Variants in FBXO9 observed in about 807,000 individuals in gnomAD.
FBXO9 encodes the protein F-box only protein 9.
Under a neutral mutation model 63.7 loss-of-function variants are expected in FBXO9, and 43 were observed. The ratio of observed to expected loss-of-function variants is 0.67; its 90% CI spans 0.53 to 0.87. The LOEUF (loss-of-function observed/expected upper bound fraction) is 0.87. FBXO9 is among the 40% of genes least tolerant of loss of function. The probability of loss-of-function intolerance (pLI) is 0.00; values close to 1 mark genes in which losing one functional copy is unlikely to be tolerated. For synonymous variants in FBXO9, 156 were observed against 171.7 expected, an observed-to-expected ratio of 0.91 and a Z score of 0.72; for missense variants, 442 against 533.2, an observed-to-expected ratio of 0.83 and a Z score of 1.68.
chr6:53,095,434 G>C, intron 11 of FBXO9, 79 bp from the exon 12 acceptor site: 2 of 1,291,450 alleles, frequency 1.5e-6, no homozygotes, highest in Non-Finnish European at 2.1e-6. Context: ...TACTTTTAGT[G>C]TCACTGTTGC....
In FBXO9 at chr6:53,073,511, A is replaced by C; in HGVS notation, c.121A>C (p.Met41Leu). ...AQLQMFRAQW[M>L]FELAPGVSSS... is the part of the protein sequence containing the mutation. ...ACTCCAGATGTTCCGAGCTCAGTGGATGTTTGAACTTGCTCCAGGTGTAAG... is the reference window on the plus strand; with the variant it reads ...ACTCCAGATGTTCCGAGCTCAGTGGCTGTTTGAACTTGCTCCAGGTGTAAG... Residue 41 changes from methionine to leucine, a missense_variant, in exon 3 of 13, where the codon ATG becomes CTG. By Grantham distance (15) the Met-to-Leu change is conservative. Transcript: ENST00000323557. 1 of 1,613,830 alleles carries C rather than the reference A, an allele frequency of 6.2e-7. No homozygotes were observed. Among genetic ancestry groups the C allele is most frequent in the Non-Finnish European group, 8.5e-7 (1 of 1,179,802 alleles).
chr6:53,092,312 C>T, intron 7 of FBXO9, 117 bp from the exon 8 acceptor site: 1 of 712,596 alleles, frequency 1.4e-6, no homozygotes, highest in Non-Finnish European at 2.4e-6. Flanking sequence ...CTCCTCAGAA[C>T]AGTGCCTCCC....
intron 5 of FBXO9, among the ~76,000 whole-genome samples, chr6:53,079,163 C>T (rs753857491): frequency 2.6e-5 from 4 of 152,006 alleles, no homozygotes; most frequent in Non-Finnish European, 1.5e-5. Context: ...GCAGTAGTTA[C>T]TGAAAGGAGT....
intron 1 of FBXO9, among the ~76,000 whole-genome samples, chr6:53,067,310 C>T (rs1347072825): frequency 1.3e-5 from 2 of 152,118 alleles, no homozygotes; most frequent in Non-Finnish European, 2.9e-5. Flanking sequence ...ATGTGTTTGA[C>T]CTTATGGTTA....
chr6:53,076,586 T>TA (rs781241930), intron 4 of FBXO9, 43 bp downstream of exon 4: 2 of 1,362,276 alleles, frequency 1.5e-6, no homozygotes, highest in Admixed American at 6.1e-5. Flanking sequence ...CATTTCTGAA[T>TA]AATGACTCTG....
chr6:53,083,581 G>A lies in FBXO9; in HGVS notation c.653+963G>A, dbSNP rs1041218630. Among the ~76,000 whole-genome samples the A allele has an allele frequency of 3.3e-5, 5 of 152,308 alleles. No individual in the cohort carries two copies. The South Asian group carries it at 1.0e-3, about 32-fold the overall frequency. ...TACAAAGATCAGTAACAAGGGGGAC[G>A]CCAGTCTGAGATTGGACAGACAGTT... On this transcript the variant is annotated intron_variant, in intron 7 of 12. Transcript: ENST00000323557.
chr6:53,065,958 G>A lies in FBXO9; in HGVS notation c.3+166G>A, dbSNP rs575161270. 731 of 1,157,634 alleles carry A rather than the reference G, an allele frequency of 6.3e-4. 1 individual carries two copies. The African/African-American group carries it at 0.01, about 16-fold the overall frequency. The allele number at this position is 1,157,634 out of a possible 1,614,324, so 71.7% of individuals were successfully genotyped here. On this transcript the variant is annotated intron_variant, in intron 1 of 12. Coordinates refer to ENST00000323557, the MANE Select transcript of FBXO9 (RefSeq NM_033480.3). ...GGCCTGAGAAGGAGTGCGTCGGGGGGCGGGGGGTGCCAACCCTGGCTTCTC... is the reference window on the plus strand; with the variant it reads ...GGCCTGAGAAGGAGTGCGTCGGGGGACGGGGGGTGCCAACCCTGGCTTCTC...
Position 53,095,625 on chromosome 6 carries a change from A to G in FBXO9, c.1166A>G (p.Lys389Arg), listed in dbSNP as rs991670168. 1.2e-6 allele frequency: 2 copies of G among 1,613,582 alleles called. No homozygotes were observed. The highest frequency in any genetic ancestry group is 1.3e-5 in the African/African-American group (1 of 75,038). Residue 389 changes from lysine (K) to arginine (R), a missense_variant, in exon 12 of 13, where the codon AAA becomes AGA. This residue lies in a region of FBXO9 where 262 missense variants were observed against 362.1 expected (regional missense o/e 0.72). Transcript: ENST00000323557. ...LCSSGHQRFN[K>R]LIWIHHSCHI... ...TCCAGTGGTCACCAGAGGTTCAACA[A>G]ACTCATCTGGATACATCATTCTTGT... is the stretch of plus-strand genomic sequence containing the variant.
chr6:53,074,524 T>C (rs560182588), intron 3 of FBXO9, among the ~76,000 whole-genome samples: 53 of 152,352 alleles, frequency 3.5e-4, no homozygotes, highest in Non-Finnish European at 6.0e-4. Context: ...TGTGTATGTG[T>C]ATAAATAGTT....
At chr6:53,083,051 T>C (rs971920106) in intron 7 of FBXO9, among the ~76,000 whole-genome samples, 4 of 152,208 alleles carry the variant, frequency 2.6e-5, no homozygotes, top group African/African-American at 4.8e-5. Context: ...GAAAGGACTC[T>C]ATTCAATAAA....
chr6:53,093,426 G>A (rs910972452), intron 9 of FBXO9, 40 bp from the exon 10 acceptor site: 8 of 1,378,972 alleles, frequency 5.8e-6, no homozygotes, highest in Non-Finnish European at 8.3e-6. Flanking sequence ...TATACTTTGT[G>A]TGGGGGGTGT....
intron 4 of FBXO9, among the ~76,000 whole-genome samples, chr6:53,078,493 A>AT (rs1769196310): frequency 6.6e-6 from 1 of 152,186 alleles, no homozygotes; most frequent in African/African-American, 2.4e-5. Flanking sequence ...GGCTATAGCA[A>AT]TTGCATCTTC....
chr6:53,066,209 G>T, intron 1 of FBXO9: 1 of 952,744 alleles, frequency 1.0e-6, no homozygotes, highest in Non-Finnish European at 1.3e-6. Context: ...GACACTTGTT[G>T]ATTGCTCTTC....
chr6:53,074,145 T>C (rs758335771), intron 3 of FBXO9, among the ~76,000 whole-genome samples: 1 of 152,178 alleles, frequency 6.6e-6, no homozygotes, highest in African/African-American at 2.4e-5. Context: ...ACACTGAAAA[T>C]ATTTTGAATG....
chr6:53,071,004 A>C (rs1322308779), intron 1 of FBXO9, 53 bp from the exon 2 acceptor site: 2 of 1,550,954 alleles, frequency 1.3e-6, no homozygotes, highest in Non-Finnish European at 1.7e-6. Context: ...TAGATTGCAG[A>C]GGGCAACTGG....
intron 4 of FBXO9, 49 bp downstream of exon 4, chr6:53,076,592 C>CAGAGTCATTAT: frequency 7.6e-7 from 1 of 1,310,168 alleles, no homozygotes; most frequent in Non-Finnish European, 1.0e-6. Context: ...TGAATAATGA[C>CAGAGTCATTAT]TCTGTTATTA....
rs966395483 is a variant in FBXO9, at chr6:53,097,935, T to C, written c.*105T>C. The C allele has an allele frequency of 1.9e-4, 4 of 20,640 alleles. No individual in the cohort carries two copies. The highest frequency in any genetic ancestry group is 4.9e-4 in the African/African-American group (4 of 8,188). The allele number at this position is 20,640 out of a possible 1,614,324, so 1.3% of individuals were successfully genotyped here. A position where few individuals can be genotyped will look rare whatever the true frequency, so the allele number is the denominator to read the frequency against. ...GTGTGTGCGTGTGTGTGTATATATA[T>C]ATATATATATATATATATATATATA... On this transcript the variant is annotated 3_prime_UTR_variant, in exon 13 of 13. Coordinates refer to ENST00000323557, the MANE Select transcript of FBXO9 (RefSeq NM_033480.3).
Position 53,098,087 on chromosome 6 carries a change from G to T in FBXO9, c.*257G>T. ...CCTGGGGTGTTTTGAAATTAAGTTG[G>T]AATTAAGTTGCTTAAGCATATTTAT... On this transcript the variant is annotated 3_prime_UTR_variant, in exon 13 of 13. Transcript: ENST00000323557. The T allele has an allele frequency of 3.9e-6, 1 of 256,810 alleles. No individual in the cohort carries two copies. The highest frequency in any genetic ancestry group is 3.7e-5 in the South Asian group (1 of 26,706). The allele number at this position is 256,810 out of a possible 1,614,324, so 15.9% of individuals were successfully genotyped here.
chr6:53,090,805 T>G (rs896216799), intron 7 of FBXO9: 1 of 152,122 alleles, frequency 6.6e-6, no homozygotes, highest in Non-Finnish European at 1.5e-5. Context: ...CTCAGCCTCC[T>G]GAGTAACTGG....
Sources: allele counts gnomAD v4.1 joint callset (sites outside exome capture counted in the v4.1 genomes callset), GRCh38; gene constraint gnomAD v4.1.1; regional missense constraint gnomAD v4.1.1; transcripts MANE v1.5; gene names NCBI Gene and HGNC (gene_info 2026-07-23, HGNC 2026-07-21).